The following GFOD1 variants were observed in gnomAD, a reference collection of about 807,000 sequenced individuals.
The protein encoded by GFOD1 is Gfo/Idh/MocA-like oxidoreductase domain containing 1.
GFOD1 carries 9 observed loss-of-function variants against 25.4 expected under a neutral mutation model. The ratio of observed to expected loss-of-function variants is 0.35; its 90% CI spans 0.21 to 0.62. GFOD1 has a LOEUF of 0.62. Ranked by LOEUF, GFOD1 falls within the 20% of genes least tolerant of loss-of-function variation. GFOD1 has a pLI of 0.72. For missense variants in GFOD1, 403 were observed against 556.9 expected (o/e 0.72, Z 2.78); for synonymous variants, 253 against 245.6 (o/e 1.03, Z -0.28).
chr6:13,408,504 G>A (rs775638033), intron 1 of GFOD1, among the ~76,000 whole-genome samples: 8 of 152,190 alleles, frequency 5.3e-5, no homozygotes, highest in Non-Finnish European at 4.4e-5. Flanking sequence ...CTGGCAGGGA[G>A]AAAAGATAAT....
At chr6:13,448,382 C>A (rs1238676111) in intron 1 of GFOD1, among the ~76,000 whole-genome samples, 1 of 152,082 alleles carries the variant, frequency 6.6e-6, no homozygotes, top group Non-Finnish European at 1.5e-5. Context: ...GGAAGGGAGC[C>A]CCTCCTCCCA....
chr6:13,450,397 C>G (rs370208282), intron 1 of GFOD1, among the ~76,000 whole-genome samples: 1 of 152,320 alleles, frequency 6.6e-6, no homozygotes, highest in African/African-American at 2.4e-5. Context: ...TCTCCAAGAT[C>G]ACCCCCAGGT....
At chr6:13,443,508 T>C (rs1413077400) in intron 1 of GFOD1, among the ~76,000 whole-genome samples, 1 of 150,936 alleles carries the variant, frequency 6.6e-6, no homozygotes, top group Non-Finnish European at 1.5e-5. Context: ...GCAAACTTCA[T>C]CATTGTCTTA....
At chr6:13,453,434 C>T (rs562379074) in intron 1 of GFOD1, among the ~76,000 whole-genome samples, 1 of 152,300 alleles carries the variant, frequency 6.6e-6, no homozygotes, top group African/African-American at 2.4e-5. Flanking sequence ...AATGCGGTTT[C>T]AAAGATAATT....
At chr6:13,480,833 G>C (rs1353823423) in intron 1 of GFOD1, among the ~76,000 whole-genome samples, 4 of 152,202 alleles carry the variant, frequency 2.6e-5, no homozygotes, top group African/African-American at 7.2e-5. Flanking sequence ...AACCACACAT[G>C]AAAGTCTGAG....
intron 1 of GFOD1, among the ~76,000 whole-genome samples, chr6:13,460,424 A>G (rs1758271636): frequency 6.6e-6 from 1 of 152,238 alleles, no homozygotes; most frequent in African/African-American, 2.4e-5. Context: ...ATCCCCATCA[A>G]TGATAGACTG....
At chr6:13,402,380 T>C (rs1785864010) in intron 1 of GFOD1, among the ~76,000 whole-genome samples, 2 of 152,134 alleles carry the variant, frequency 1.3e-5, no homozygotes, top group Non-Finnish European at 1.5e-5. Flanking sequence ...AAGGACATCA[T>C]CAAGATATAA....
At chr6:13,385,742 T>C (rs765884433) in intron 1 of GFOD1, among the ~76,000 whole-genome samples, 19 of 152,102 alleles carry the variant, frequency 1.2e-4, no homozygotes, top group Non-Finnish European at 2.4e-4. Flanking sequence ...ATAGGTAAAA[T>C]ACAGTGACTA....
chr6:13,417,405 G>A (rs780935858), intron 1 of GFOD1, among the ~76,000 whole-genome samples: 3 of 152,108 alleles, frequency 2.0e-5, no homozygotes, highest in Non-Finnish European at 2.9e-5. Context: ...TGCCTGTCTC[G>A]GCCTCCCAAA....
chr6:13,433,116 C>T (rs2127570552), intron 1 of GFOD1, among the ~76,000 whole-genome samples: 1 of 144,988 alleles, frequency 6.9e-6, no homozygotes, highest in East Asian at 1.9e-4. Flanking sequence ...TGTGCTGGGT[C>T]CCTTTTTTTT....
intron 1 of GFOD1, among the ~76,000 whole-genome samples, chr6:13,432,732 C>A (rs1757771123): frequency 6.6e-6 from 1 of 152,136 alleles, no homozygotes; most frequent in Non-Finnish European, 1.5e-5. Context: ...CTGTGCACAT[C>A]CTGCCATATC....
At chr6:13,416,111 A>T (rs1786158579) in intron 1 of GFOD1, among the ~76,000 whole-genome samples, 1 of 152,112 alleles carries the variant, frequency 6.6e-6, no homozygotes, top group African/African-American at 2.4e-5. Flanking sequence ...GATGGTTTAA[A>T]AGTGTTTGGC....
Position 13,486,654 on chromosome 6 carries a change from G to A in GFOD1, c.237C>T (p.Ile79=), listed in dbSNP as rs371504912. Residue 79 remains isoleucine, a synonymous_variant, in exon 1 of 2, where the codon ATC becomes ATT. Transcript: ENST00000379287. ...INLPPPLTRQ[I]AVKTLGIGKN... is the part of the protein sequence containing the mutation. ...GTCGCTCACCTAGGGTTTTGACAGC[G>A]ATCTGTCTGGTGAGGGGCGGCGGCA... 4.8e-5 allele frequency: 77 copies of A among 1,613,978 alleles called. No individual in the cohort carries two copies. The highest frequency in any genetic ancestry group is 4.3e-4 in the South Asian group (39 of 91,076).
chr6:13,484,600 G>A (rs981047789), intron 1 of GFOD1, among the ~76,000 whole-genome samples: 4 of 152,182 alleles, frequency 2.6e-5, no homozygotes, highest in African/African-American at 9.7e-5. Flanking sequence ...TCTTATCGCT[G>A]GTTTTGAAGA....
At chr6:13,465,222 T>TA (rs36004362) in intron 1 of GFOD1, among the ~76,000 whole-genome samples, 179 of 150,776 alleles carry the variant, frequency 1.2e-3, no homozygotes, top group East Asian at 2.1e-3. Context: ...GCTGATGAGC[T>TA]AAAAAAAAAT....
chr6:13,423,868 G>GT (rs1786304677), intron 1 of GFOD1, among the ~76,000 whole-genome samples: 1 of 150,850 alleles, frequency 6.6e-6, no homozygotes, highest in African/African-American at 2.5e-5. Flanking sequence ...TGTTTTTTTT[G>GT]TTTTTTGGAG....
At chr6:13,397,555 G>A (rs1361399782) in intron 1 of GFOD1, among the ~76,000 whole-genome samples, 2 of 152,206 alleles carry the variant, frequency 1.3e-5, no homozygotes, top group Non-Finnish European at 2.9e-5. Flanking sequence ...AAACCCAGGG[G>A]CCGGCCCACT....
In GFOD1 at chr6:13,364,679, G is replaced by A. The variant is rs185864803; in HGVS notation, c.*64C>T. ...TTCCCCATGGTCACCCTCTCCCCTC[G>A]GCCCTTCCCTCTCTGTGGACATCCC... On this transcript the variant is annotated 3_prime_UTR_variant, in exon 2 of 2. Coordinates refer to ENST00000379287, the MANE Select transcript of GFOD1 (RefSeq NM_018988.4). This position sits in a 1 kb window ranked among gnomAD's most constrained non-coding sequence, Gnocchi z 4.1. 500 of 1,373,150 alleles carry A rather than the reference G, an allele frequency of 3.6e-4. 3 individuals are homozygous for A. In the African/African-American group the frequency reaches 5.5e-3, roughly 15 times the overall value. The allele number at this position is 1,373,150 out of a possible 1,614,324, so 85.1% of individuals were successfully genotyped here.
chr6:13,455,707 C>A (rs1366897345), intron 1 of GFOD1, among the ~76,000 whole-genome samples: 1 of 152,218 alleles, frequency 6.6e-6, no homozygotes, highest in Non-Finnish European at 1.5e-5. Flanking sequence ...CAGACACCCA[C>A]ACAAAGAGCT....
Sources: gnomAD v4.1 joint callset for allele counts (sites outside exome capture counted in the v4.1 genomes callset) on GRCh38, gnomAD v4.1.1 for gene constraint, Gnocchi (gnomAD v3.1) non-coding constraint, MANE v1.5 for transcripts, NCBI Gene and HGNC (gene_info 2026-07-23, HGNC 2026-07-21) for gene names.